Variants in MRC2 observed in about 807,000 individuals in gnomAD.
MRC2 encodes mannose receptor C-type 2, also known as C-type mannose receptor 2.
In MRC2, 84 loss-of-function variants were observed where a neutral mutation model predicts 206.2. That is an observed-to-expected ratio of 0.41 (90% confidence interval 0.34 to 0.49). The LOEUF (loss-of-function observed/expected upper bound fraction) is 0.49. MRC2 is among the 20% of genes least tolerant of loss of function. The probability of loss-of-function intolerance (pLI) is 0.31; values close to 1 mark genes in which losing one functional copy is unlikely to be tolerated. For synonymous variants in MRC2, 798 were observed against 800.0 expected (o/e 1.00, Z 0.04); for missense variants, 1,676 against 2,001.5 (o/e 0.84, Z 3.10).
chr17:62,663,687 G>A (rs1011225166), intron 1 of MRC2, among the ~76,000 whole-genome samples: 4 of 152,142 alleles, frequency 2.6e-5, no homozygotes, highest in Non-Finnish European at 5.9e-5. Context: ...AAATTGCTGC[G>A]TAAAAATTAA....
At chr17:62,677,972 C>A (rs1355973295) in intron 12 of MRC2, among the ~76,000 whole-genome samples, 1 of 152,184 alleles carries the variant, frequency 6.6e-6, no homozygotes, top group Non-Finnish European at 1.5e-5. Context: ...ATGGCATGAA[C>A]CCAGGAGGCG....
intron 1 of MRC2, among the ~76,000 whole-genome samples, chr17:62,647,185 T>TA (rs1408159217): frequency 2.1e-5 from 2 of 94,628 alleles, no homozygotes; most frequent in Non-Finnish European, 4.3e-5. Flanking sequence ...TTTTTCTTTT[T>TA]CTTTTTTTTT....
intron 13 of MRC2, chr17:62,679,576 T>G: frequency 1.5e-5 from 6 of 388,358 alleles, no homozygotes; most frequent in East Asian, 4.2e-5. Flanking sequence ...CACTGCCCCT[T>G]GAGTGGATGG....
At chr17:62,682,112 G>A in intron 19 of MRC2, 123 bp from the exon 20 acceptor site, 3 of 1,190,860 alleles carry the variant, frequency 2.5e-6, no homozygotes, top group Non-Finnish European at 3.5e-6. Context: ...TGAATTCGGA[G>A]CTGGACACAG....
intron 20 of MRC2, among the ~76,000 whole-genome samples, chr17:62,686,451 T>TCAACAA (rs58330151): frequency 1.5e-3 from 224 of 150,152 alleles, no homozygotes; most frequent in East Asian, 5.5e-3. Flanking sequence ...AGACTCCATC[T>TCAACAA]CAACAACAAC....
chr17:62,674,780 C>T (rs2088870549), intron 9 of MRC2, among the ~76,000 whole-genome samples: 1 of 152,074 alleles, frequency 6.6e-6, no homozygotes, highest in Non-Finnish European at 1.5e-5. Context: ...GTGACAGACC[C>T]TCTCCTCCTC....
Position 62,676,461 on chromosome 17 carries a change from C to A in MRC2, c.1764C>A (p.Asn588Lys). 1 of 1,613,704 alleles carries A rather than the reference C, an allele frequency of 6.2e-7. No individual in the cohort carries two copies. Among genetic ancestry groups the A allele is most frequent in the Non-Finnish European group, 8.5e-7 (1 of 1,179,780 alleles). Residue 588 changes from asparagine (N) to lysine (K), a missense_variant, in exon 11 of 30, where the codon AAC becomes AAA. Physicochemically the swap from Asn to Lys is moderately conservative, Grantham distance 94. Around this residue, in one of 3 missense-constraint regions of MRC2, gnomAD observed 1,354 missense variants for 1,636.6 expected, o/e 0.83. Coordinates refer to ENST00000303375, the MANE Select transcript of MRC2 (RefSeq NM_006039.5). ...TCTGGACGGCCCTGCAGGACCTCAA[C>A]AGCACCGGCTCCTTCTTCTGGCTCA... ...EYFWTALQDLNSTGSFFWLSG... is the reference protein window; with the variant it reads ...EYFWTALQDLKSTGSFFWLSG...
At chr17:62,668,006 G>C (rs374446040) in intron 6 of MRC2, among the ~76,000 whole-genome samples, 3 of 152,172 alleles carry the variant, frequency 2.0e-5, no homozygotes, top group Admixed American at 6.5e-5. Flanking sequence ...ATTCCTGGCA[G>C]AGGGAAGAGC....
In MRC2 at chr17:62,666,120, C is replaced by A. The variant is rs866680295; in HGVS notation, c.547C>A (p.His183Asn). 6.3e-7 allele frequency: 1 copy of A among 1,595,890 alleles called. No individual in the cohort carries two copies. The highest frequency in any genetic ancestry group is 2.3e-5 in the East Asian group (1 of 44,126). Residue 183 changes from histidine (H) to asparagine (N), a missense_variant, in exon 3 of 30, where the codon CAC becomes AAC. By Grantham distance (68) the His-to-Asn change is moderately conservative. Around this residue, in one of 3 missense-constraint regions of MRC2, gnomAD observed 318 missense variants for 346.7 expected, o/e 0.92. Coordinates refer to ENST00000303375, the MANE Select transcript of MRC2 (RefSeq NM_006039.5). The surrounding 1 kb of genome is among the most constrained non-coding windows in gnomAD (Gnocchi z 5.0). ...HEVYTIQGNS[H>N]GKPCTIPFKY... is the part of the protein sequence containing the mutation. Reference sequence around the variant, plus strand: ...GGTCTACACCATCCAGGGAAACTCCCACGGAAAGCCGTGCACCATCCCCTT... The same window carrying A: ...GGTCTACACCATCCAGGGAAACTCCAACGGAAAGCCGTGCACCATCCCCTT...
chr17:62,689,707 C>A lies in MRC2; in HGVS notation c.3520C>A (p.Gln1174Lys). ...PDPYTQAFLT[Q>K]AARGLRTPLW... ...CCCCTACACCCAGGCCTTCCTCACGCAGGCTGCCCGAGGGCTGCGCACGCC... is the reference window on the plus strand; with the variant it reads ...CCCCTACACCCAGGCCTTCCTCACGAAGGCTGCCCGAGGGCTGCGCACGCC... Residue 1174 changes from glutamine to lysine, a missense_variant, in exon 24 of 30, where the codon CAG (glutamine) becomes AAG (lysine). Coordinates refer to ENST00000303375, the MANE Select transcript of MRC2 (RefSeq NM_006039.5). 2 of 1,573,040 alleles carry A rather than the reference C, an allele frequency of 1.3e-6. No homozygotes were observed. The highest frequency in any genetic ancestry group is 1.7e-6 in the Non-Finnish European group (2 of 1,160,230).
rs754337041 is a variant in MRC2, at chr17:62,666,075, C to T, written c.521-19C>T. The T allele has an allele frequency of 1.9e-6, 3 of 1,570,970 alleles. No individual in the cohort carries two copies. Among genetic ancestry groups the T allele is most frequent in the South Asian group, 2.3e-5 (2 of 85,662 alleles). On this transcript the variant is annotated intron_variant, in intron 2 of 29. Coordinates refer to ENST00000303375, the MANE Select transcript of MRC2 (RefSeq NM_006039.5). The surrounding 1 kb of genome is among the most constrained non-coding windows in gnomAD (Gnocchi z 5.0). ...GGTGTCCAGATGCCAAGGGCCTGGC[C>T]CCTGTCCACCCCCTGCAGAGGTCTA...
intron 11 of MRC2, 27 bp downstream of exon 11, chr17:62,676,558 G>A (rs1039790152): frequency 3.9e-6 from 6 of 1,557,442 alleles, no homozygotes; most frequent in Non-Finnish European, 5.2e-6. Context: ...ACTTGCCTTG[G>A]TGAAGCGAGG....
intron 18 of MRC2, 87 bp downstream of exon 18, chr17:62,681,216 C>A: frequency 1.4e-6 from 2 of 1,451,228 alleles, no homozygotes; most frequent in South Asian, 1.2e-5. Context: ...TGAATCCAGC[C>A]CTGCCCCTTC....
In MRC2 at chr17:62,685,169, A is replaced by C. The variant is rs556730223; in HGVS notation, c.2946+2792A>C. On this transcript the variant is annotated intron_variant, in intron 20 of 29. Transcript: ENST00000303375. ...AACAAAACAAAACAAAAACCACACAAAAAAAAAATTACACCTCTTCTACCT... is the reference window on the plus strand; with the variant it reads ...AACAAAACAAAACAAAAACCACACACAAAAAAAATTACACCTCTTCTACCT... 6.6e-5 allele frequency among the ~76,000 whole-genome samples: 10 copies of C among 151,634 alleles called. No homozygotes were observed. In the South Asian group the frequency reaches 1.7e-3, roughly 25 times the overall value.
chr17:62,692,521 C>T lies in MRC2; in HGVS notation c.*70C>T. The T allele has an allele frequency of 7.0e-7, 1 of 1,419,246 alleles. No individual in the cohort carries two copies. The highest frequency in any genetic ancestry group is 1.3e-5 in the South Asian group (1 of 76,584). 87.9% of individuals were successfully genotyped at this position (1,419,246 alleles called of 1,614,324 possible). A position where few individuals can be genotyped will look rare whatever the true frequency, so the allele number is the denominator to read the frequency against. On this transcript the variant is annotated 3_prime_UTR_variant, in exon 30 of 30. Coordinates refer to ENST00000303375, the MANE Select transcript of MRC2 (RefSeq NM_006039.5). This position sits in a 1 kb window ranked among gnomAD's most constrained non-coding sequence, Gnocchi z 4.2. ...TGGGGCCCTGGGTCAGTCTGGCCCC[C>T]CACCAGCTGCCTGTCCAGTTGGCCT...
At position 62,674,115 on chromosome 17, in the gene MRC2, A is replaced by G. The variant is rs2088860282; in HGVS notation, c.1514A>G (p.Lys505Arg). Residue 505 changes from lysine (K) to arginine (R), a missense_variant, in exon 9 of 30, where the codon AAG becomes AGG. By Grantham distance (26) the Lys-to-Arg change is conservative (BLOSUM62 2). Coordinates refer to ENST00000303375, the MANE Select transcript of MRC2 (RefSeq NM_006039.5). ...AACCAGTCCTTGCCATCCATCTGCAAGAAGGCAGGCCAGCTGAGCCAGGGG... is the reference window on the plus strand; with the variant it reads ...AACCAGTCCTTGCCATCCATCTGCAGGAAGGCAGGCCAGCTGAGCCAGGGG... ...PCNQSLPSIC[K>R]KAGQLSQGAA... 1.9e-6 allele frequency: 3 copies of G among 1,556,312 alleles called. No individual in the cohort carries two copies. The African/African-American group carries it at 4.1e-5, about 21-fold the overall frequency.
chr17:62,653,397 G>A (rs1034333986), intron 1 of MRC2, among the ~76,000 whole-genome samples: 2 of 152,092 alleles, frequency 1.3e-5, no homozygotes, highest in African/African-American at 4.8e-5. Flanking sequence ...GGCGGGGTCT[G>A]GAGGATCAGC....
In MRC2 at chr17:62,680,719, C is replaced by G; in HGVS notation, c.2474-81C>G. 3 of 1,398,334 alleles carry G rather than the reference C, an allele frequency of 2.1e-6. No individual in the cohort carries two copies. The highest frequency in any genetic ancestry group is 2.8e-6 in the Non-Finnish European group (3 of 1,078,094). The allele number at this position is 1,398,334 out of a possible 1,614,324, so 86.6% of individuals were successfully genotyped here. ...CGCCTGCTGCCGCCTGGCTCTGCCC[C>G]GGCCCTGCCGCGCCCGCCTCCGGGG... On this transcript the variant is annotated intron_variant, in intron 16 of 29. Coordinates refer to ENST00000303375, the MANE Select transcript of MRC2 (RefSeq NM_006039.5). This position sits in a 1 kb window ranked among gnomAD's most constrained non-coding sequence, Gnocchi z 4.8.
At chr17:62,690,343 G>A (rs1368035303) in intron 26 of MRC2, 38 bp downstream of exon 26, 1 of 1,575,806 alleles carries the variant, frequency 6.3e-7, no homozygotes, top group Non-Finnish European at 8.6e-7. Context: ...TGGCGGGCAG[G>A]TGGCACCTCC....
Sources: gnomAD v4.1 joint callset for allele counts (sites outside exome capture counted in the v4.1 genomes callset) on GRCh38, gnomAD v4.1.1 for gene constraint, gnomAD v4.1.1 regional missense constraint, Gnocchi (gnomAD v3.1) non-coding constraint, MANE v1.5 for transcripts, NCBI Gene and HGNC (gene_info 2026-07-23, HGNC 2026-07-21) for gene names.